ZNF628: variants seen among roughly 807,000 people sequenced by gnomAD.
ZNF628 encodes zinc finger protein Zec.
A neutral mutation model predicts 2.5 loss-of-function variants in ZNF628; 3 were observed. The observed-to-expected ratio is 1.19, with a 90% confidence interval of 0.54 to 3.07. The LOEUF is 3.07. Ranked by LOEUF, ZNF628 falls within the 30% of genes most tolerant of loss-of-function variation. The pLI is 0.03. For missense variants in ZNF628, 1,610 were observed against 1,517.1 expected (o/e 1.06, Z -1.02); for synonymous variants, 861 against 717.1 (o/e 1.20, Z -3.21).
rs949828006 is a variant in ZNF628 at position 55,476,672 on chromosome 19, T to C, written c.-213T>C. The C allele has an allele frequency of 5.3e-5, 8 of 151,688 alleles. No homozygotes were observed. The highest frequency in any genetic ancestry group is 2.0e-4 in the Admixed American group (3 of 15,248). 9.4% of individuals were successfully genotyped at this position (151,688 alleles called of 1,614,324 possible). ...GTTGGGTGCCTCGCGCCGGGGGCCG[T>C]TGGGAGGGAGTGCGCCCCTGCCCCC... On this transcript the variant is annotated 5_prime_UTR_variant, in exon 1 of 3. Transcript: ENST00000598519.
chr19:55,481,971 C>G lies in ZNF628; in HGVS notation c.778C>G (p.Leu260Val). 1 of 1,464,830 alleles carries G rather than the reference C, an allele frequency of 6.8e-7. No individual in the cohort carries two copies. The highest frequency in any genetic ancestry group is 9.0e-7 in the Non-Finnish European group (1 of 1,115,032). 90.7% of individuals were successfully genotyped at this position (1,464,830 alleles called of 1,614,324 possible). A position where few individuals can be genotyped will look rare whatever the true frequency, so the allele number is the denominator to read the frequency against. ...GTGCGACGCCTACCTGCAGCGGCAC[C>G]TCCAGCCCCACAGCCCGCCCGCGCC... ...FVCDAYLQRH[L>V]QPHSPPAPPA... The change falls in exon 3 of 3, where the codon CTC (leucine) becomes GTC (valine). Residue 260 changes from leucine to valine, a missense_variant. Around this residue, in one of 5 missense-constraint regions of ZNF628, gnomAD observed 651 missense variants for 575.6 expected, o/e 1.13. Coordinates refer to ENST00000598519, the MANE Select transcript of ZNF628 (RefSeq NM_033113.3).
chr19:55,476,995 C>T lies in ZNF628; in HGVS notation c.-78+188C>T, dbSNP rs151008555. Among the ~76,000 whole-genome samples, 2,118 of 152,208 alleles carry T rather than the reference C, an allele frequency of 0.014. 46 individuals are homozygous for T. Among genetic ancestry groups the T allele is most frequent in the African/African-American group, 0.048 (1,991 of 41,518 alleles). On this transcript the variant is annotated intron_variant, in intron 1 of 2. Coordinates refer to ENST00000598519, the MANE Select transcript of ZNF628 (RefSeq NM_033113.3). ...AGGGCAAGGGGCCACATTGAGAGGG[C>T]GGGTCAGGCTTTGCATTTTTACAGA...
rs1986767327 is a variant in ZNF628, at chr19:55,482,759, G to T, written c.1566G>T (p.Ser522=). The change falls in exon 3 of 3, where the codon TCG becomes TCT. Residue 522 remains serine, a synonymous_variant. Coordinates refer to ENST00000598519, the MANE Select transcript of ZNF628 (RefSeq NM_033113.3). ...CGQCGLTFKW[S]SHYQYHLRLH... Reference sequence around the variant, plus strand: ...AGTGCGGCCTCACCTTCAAGTGGTCGTCCCACTACCAGTACCACCTGCGGC... The same window carrying T: ...AGTGCGGCCTCACCTTCAAGTGGTCTTCCCACTACCAGTACCACCTGCGGC... 2 of 1,610,542 alleles carry T rather than the reference G, an allele frequency of 1.2e-6. No individual in the cohort carries two copies. Among genetic ancestry groups the T allele is most frequent in the Non-Finnish European group, 1.7e-6 (2 of 1,178,430 alleles).
intron 1 of ZNF628, among the ~76,000 whole-genome samples, chr19:55,477,781 C>T (rs1055573402): frequency 2.6e-5 from 4 of 151,664 alleles, no homozygotes; most frequent in African/African-American, 9.7e-5. Flanking sequence ...ACAAAAAAAA[C>T]ACACAAGTTC....
At chr19:55,477,590 C>T (rs183451059) in intron 1 of ZNF628, among the ~76,000 whole-genome samples, 1 of 151,988 alleles carries the variant, frequency 6.6e-6, no homozygotes, top group African/African-American at 2.4e-5. Context: ...GGTGAAACCC[C>T]GTCTCTACTA....
Position 55,481,955 on chromosome 19 carries a change from C to G in ZNF628, c.762C>G (p.Ala254=), listed in dbSNP as rs1159180537. The G allele has an allele frequency of 5.4e-6, 8 of 1,468,544 alleles. No individual in the cohort carries two copies. The highest frequency in any genetic ancestry group is 7.2e-6 in the Non-Finnish European group (8 of 1,117,076). 91.0% of individuals were successfully genotyped at this position (1,468,544 alleles called of 1,614,324 possible). The change falls in exon 3 of 3, where the codon GCC becomes GCG. Residue 254 remains alanine, a synonymous_variant. Coordinates refer to ENST00000598519, the MANE Select transcript of ZNF628 (RefSeq NM_033113.3). ...CCGGCAAGGTCTTCGTGTGCGACGC[C>G]TACCTGCAGCGGCACCTCCAGCCCC... is the stretch of plus-strand genomic sequence containing the variant. ...REPGKVFVCD[A]YLQRHLQPHS... is the part of the protein sequence containing the mutation.
In ZNF628 at chr19:55,481,873, G is replaced by A. The variant is rs752589123; in HGVS notation, c.680G>A (p.Gly227Asp). ...SNLLLHQRTH[G>D]AAPAPGTASA... ...CTGCTGCTGCACCAGCGCACGCACG[G>A]CGCCGCCCCCGCCCCGGGTACCGCC... The change falls in exon 3 of 3, where the codon GGC becomes GAC. Residue 227 changes from glycine (G) to aspartate (D), a missense_variant. This residue lies in a region of ZNF628 where 651 missense variants were observed against 575.6 expected (regional missense o/e 1.13). Coordinates refer to ENST00000598519, the MANE Select transcript of ZNF628 (RefSeq NM_033113.3). The A allele has an allele frequency of 2.5e-5, 39 of 1,551,900 alleles. No homozygotes were observed. The highest frequency in any genetic ancestry group is 3.3e-5 in the Non-Finnish European group (38 of 1,151,886).
chr19:55,483,691 A>G lies in ZNF628; in HGVS notation c.2498A>G (p.Gln833Arg). ...CCAGCCCCAGAAGTAACCACGGTCCAGCTCCAGCCAGCGCAGGAGGTGACC... is the reference window on the plus strand; with the variant it reads ...CCAGCCCCAGAAGTAACCACGGTCCGGCTCCAGCCAGCGCAGGAGGTGACC... ...LRPAPEVTTV[Q>R]LQPAQEVTTV... is the part of the protein sequence containing the mutation. Residue 833 changes from glutamine (Q) to arginine (R), a missense_variant, in exon 3 of 3, where the codon CAG becomes CGG. By Grantham distance (43) the Gln-to-Arg change is conservative. Coordinates refer to ENST00000598519, the MANE Select transcript of ZNF628 (RefSeq NM_033113.3). The G allele has an allele frequency of 2.5e-6, 4 of 1,613,552 alleles. No individual in the cohort carries two copies. Among genetic ancestry groups the G allele is most frequent in the African/African-American group, 1.3e-5 (1 of 74,884 alleles).
Position 55,482,671 on chromosome 19 carries a change from G to A in ZNF628, c.1478G>A (p.Arg493His). ...GGCGAGTGCGGCAAGGCCTTCAAGC[G>A]CTCCTCCCTGCTGGCCATCCACCAG... ...QCGECGKAFK[R>H]SSLLAIHQRV... is the part of the protein sequence containing the mutation. Residue 493 changes from arginine (R) to histidine (H), a missense_variant, in exon 3 of 3, where the codon CGC becomes CAC. Arg to His is a conservative substitution (Grantham distance 29). This residue lies in a region of ZNF628 where 651 missense variants were observed against 575.6 expected (regional missense o/e 1.13). Transcript: ENST00000598519. The A allele has an allele frequency of 6.2e-7, 1 of 1,610,520 alleles. No individual in the cohort carries two copies. Among genetic ancestry groups the A allele is most frequent in the Non-Finnish European group, 8.5e-7 (1 of 1,178,864 alleles).
rs762467353 is a variant in ZNF628, at chr19:55,483,816, T to C, written c.2623T>C (p.Ser875Pro). The C allele has an allele frequency of 1.2e-6, 2 of 1,613,616 alleles. No individual in the cohort carries two copies. The highest frequency in any genetic ancestry group is 1.7e-6 in the Non-Finnish European group (2 of 1,179,820). Residue 875 changes from serine (S) to proline (P), a missense_variant, in exon 3 of 3, where the codon TCC (serine) becomes CCC (proline). Transcript: ENST00000598519. ...GCTCCAGCCCGTGGCCGGCCAGCTCTCCAATTCCAGTGGGGGAGCTGTGGC... is the reference window on the plus strand; with the variant it reads ...GCTCCAGCCCGTGGCCGGCCAGCTCCCCAATTCCAGTGGGGGAGCTGTGGC... ...VQLQPVAGQLSNSSGGAVATE... is the reference protein window; with the variant it reads ...VQLQPVAGQLPNSSGGAVATE...
chr19:55,477,922 T>A (rs1488680476), intron 1 of ZNF628, among the ~76,000 whole-genome samples: 2 of 152,178 alleles, frequency 1.3e-5, no homozygotes, highest in African/African-American at 4.8e-5. Flanking sequence ...AGCCCCTATT[T>A]TCCCGGCGTT....
chr19:55,478,293 A>G lies in ZNF628; in HGVS notation c.-78+1486A>G, dbSNP rs139360928. 5.1e-3 allele frequency among the ~76,000 whole-genome samples: 771 copies of G among 152,292 alleles called. 5 individuals are homozygous for G. The highest frequency in any genetic ancestry group is 0.017 in the Middle Eastern group (5 of 294). On this transcript the variant is annotated intron_variant, in intron 1 of 2. Coordinates refer to ENST00000598519, the MANE Select transcript of ZNF628 (RefSeq NM_033113.3). ...CAGGAAAAGGGAATGGGGAGTTGGAAGGGATTGTAGATTTAAATAGGGCTG... is the reference window on the plus strand; with the variant it reads ...CAGGAAAAGGGAATGGGGAGTTGGAGGGGATTGTAGATTTAAATAGGGCTG...
rs750574209 is a variant in ZNF628 at position 55,482,303 on chromosome 19, G to C, written c.1110G>C (p.Gly370=). 5.6e-5 allele frequency: 82 copies of C among 1,469,410 alleles called. No homozygotes were observed. In the Middle Eastern group the frequency reaches 6.7e-4, roughly 12 times the overall value. The allele number at this position is 1,469,410 out of a possible 1,614,324, so 91.0% of individuals were successfully genotyped here. Residue 370 remains glycine (G), a synonymous_variant, in exon 3 of 3, where the codon GGG becomes GGC. Coordinates refer to ENST00000598519, the MANE Select transcript of ZNF628 (RefSeq NM_033113.3). Reference sequence around the variant, plus strand: ...GCAAGTCCTTCCGGACGGTGGCTGGGCTCTCCCGCCACCAGCACAGCCACG... The same window carrying C: ...GCAAGTCCTTCCGGACGGTGGCTGGCCTCTCCCGCCACCAGCACAGCCACG... ...PCGKSFRTVA[G]LSRHQHSHGA... is the part of the protein sequence containing the mutation.
Position 55,482,789 on chromosome 19 carries a change from C to T in ZNF628, c.1596C>T (p.His532=), listed in dbSNP as rs56070925. 4 of 1,610,556 alleles carry T rather than the reference C, an allele frequency of 2.5e-6. No individual in the cohort carries two copies. The highest frequency in any genetic ancestry group is 2.5e-6 in the Non-Finnish European group (3 of 1,178,100). The part of the protein sequence containing the change: ...SSHYQYHLRL[H]SGERPYACGE... ...ACTACCAGTACCACCTGCGGCTGCACTCTGGCGAGCGGCCCTACGCCTGCG... is the reference window on the plus strand; with the variant it reads ...ACTACCAGTACCACCTGCGGCTGCATTCTGGCGAGCGGCCCTACGCCTGCG... Residue 532 remains histidine, a synonymous_variant, in exon 3 of 3, where the codon CAC becomes CAT. Transcript: ENST00000598519.
chr19:55,482,618 C>G lies in ZNF628; in HGVS notation c.1425C>G (p.Asp475Glu). The G allele has an allele frequency of 6.2e-7, 1 of 1,608,060 alleles. No homozygotes were observed. Among genetic ancestry groups the G allele is most frequent in the East Asian group, 2.2e-5 (1 of 44,804 alleles). ...GSSGLRYHLR[D>E]HTGERPYQCG... Reference sequence around the variant, plus strand: ...CCGGGCTGCGCTACCACCTGCGGGACCACACGGGCGAGCGGCCCTACCAGT... The same window carrying G: ...CCGGGCTGCGCTACCACCTGCGGGAGCACACGGGCGAGCGGCCCTACCAGT... The change falls in exon 3 of 3, where the codon GAC (aspartate) becomes GAG (glutamate). Residue 475 changes from aspartate (D) to glutamate (E), a missense_variant. Physicochemically the swap from Asp to Glu is conservative, Grantham distance 45 (BLOSUM62 2). Coordinates refer to ENST00000598519, the MANE Select transcript of ZNF628 (RefSeq NM_033113.3).
Position 55,482,066 on chromosome 19 carries a change from G to T in ZNF628, c.873G>T (p.Val291=). The T allele has an allele frequency of 6.6e-7, 1 of 1,504,266 alleles. No individual in the cohort carries two copies. The allele number at this position is 1,504,266 out of a possible 1,614,324, so 93.2% of individuals were successfully genotyped here. A position where few individuals can be genotyped will look rare whatever the true frequency, so the allele number is the denominator to read the frequency against. The part of the protein sequence containing the change: ...ELFLAAAETT[V]ELVYRCDGCE... ...TTTTGGCGGCGGCGGAGACCACGGT[G>T]GAGCTGGTGTACCGCTGCGATGGCT... Residue 291 remains valine, a synonymous_variant, in exon 3 of 3, where the codon GTG becomes GTT. Transcript: ENST00000598519.
Position 55,483,817 on chromosome 19 carries a change from C to T in ZNF628, c.2624C>T (p.Ser875Phe). 6.2e-7 allele frequency: 1 copy of T among 1,613,720 alleles called. No homozygotes were observed. The highest frequency in any genetic ancestry group is 1.1e-5 in the South Asian group (1 of 91,066). ...VQLQPVAGQLSNSSGGAVATE... is the reference protein window; with the variant it reads ...VQLQPVAGQLFNSSGGAVATE... ...CTCCAGCCCGTGGCCGGCCAGCTCTCCAATTCCAGTGGGGGAGCTGTGGCT... is the reference window on the plus strand; with the variant it reads ...CTCCAGCCCGTGGCCGGCCAGCTCTTCAATTCCAGTGGGGGAGCTGTGGCT... The change falls in exon 3 of 3, where the codon TCC (serine) becomes TTC (phenylalanine). Residue 875 changes from serine (S) to phenylalanine (F), a missense_variant. Physicochemically the swap from Ser to Phe is radical, Grantham distance 155 (BLOSUM62 -2). Transcript: ENST00000598519.
At chr19:55,480,474 G>T (rs946315530) in intron 2 of ZNF628, among the ~76,000 whole-genome samples, 1 of 152,068 alleles carries the variant, frequency 6.6e-6, no homozygotes, top group Non-Finnish European at 1.5e-5. Flanking sequence ...AGGCTGGAGT[G>T]CAGTGGCACG....
rs1339349789 is a variant in ZNF628 at position 55,482,515 on chromosome 19, C to T, written c.1322C>T (p.Pro441Leu). 5 of 1,471,106 alleles carry T rather than the reference C, an allele frequency of 3.4e-6. No homozygotes were observed. Among genetic ancestry groups the T allele is most frequent in the Non-Finnish European group, 4.5e-6 (5 of 1,111,040 alleles). 91.1% of individuals were successfully genotyped at this position (1,471,106 alleles called of 1,614,324 possible). The change falls in exon 3 of 3, where the codon CCG becomes CTG. Residue 441 changes from proline to leucine, a missense_variant. Physicochemically the swap from Pro to Leu is moderately conservative, Grantham distance 98. This residue lies in a region of ZNF628 where 651 missense variants were observed against 575.6 expected (regional missense o/e 1.13). Transcript: ENST00000598519. ...EPLAPAAPVP[P>L]PPPSAPASAE... ...CTGGCGCCTGCCGCCCCCGTCCCGC[C>T]GCCACCCCCGTCCGCCCCCGCTTCT...
Sources: allele counts gnomAD v4.1 joint callset (sites outside exome capture counted in the v4.1 genomes callset), GRCh38; gene constraint gnomAD v4.1.1; regional missense constraint gnomAD v4.1.1; transcripts MANE v1.5; gene names NCBI Gene and HGNC (gene_info 2026-07-23, HGNC 2026-07-21).